Variants in ALG6 observed in about 807,000 individuals in gnomAD.
The protein encoded by ALG6 is ALG6 alpha-1,3-glucosyltransferase.
In ALG6, 46 loss-of-function variants were observed where a neutral mutation model predicts 66.6. The observed-to-expected ratio is 0.69, with a 90% CI of 0.55 to 0.88. The LOEUF is 0.88. Ranked by LOEUF, ALG6 falls within the 40% of genes least tolerant of loss-of-function variation. ALG6 has a pLI of 0.00. For synonymous variants in ALG6, 185 were observed against 203.7 expected, an observed-to-expected ratio of 0.91 and a Z score of 0.78; for missense variants, 505 against 586.8, an observed-to-expected ratio of 0.86 and a Z score of 1.44.
chr1:63,384,102 G>A (rs562234717), intron 2 of ALG6, among the ~76,000 whole-genome samples: 1 of 152,238 alleles, frequency 6.6e-6, no homozygotes, highest in South Asian at 2.1e-4. Context: ...TATTGTGAAC[G>A]GTGCTGCAAT....
At chr1:63,371,903 A>C (rs1208010610) in intron 2 of ALG6, among the ~76,000 whole-genome samples, 1 of 152,180 alleles carries the variant, frequency 6.6e-6, no homozygotes, top group Non-Finnish European at 1.5e-5. Context: ...GCACCCAGCT[A>C]GAGGGCCCAC....
chr1:63,390,872 AT>A (rs1283385037), intron 2 of ALG6, among the ~76,000 whole-genome samples: 1 of 152,174 alleles, frequency 6.6e-6, no homozygotes, highest in Non-Finnish European at 1.5e-5. Context: ...CTGCTGGGGA[AT>A]GGAGAAGTGA....
At chr1:63,412,168 C>T in intron 9 of ALG6, 107 bp downstream of exon 9, 1 of 1,491,330 alleles carries the variant, frequency 6.7e-7, no homozygotes. Flanking sequence ...TACTTTCCTC[C>T]TGTAATCATT....
chr1:63,384,343 A>G (rs57413304), intron 2 of ALG6, among the ~76,000 whole-genome samples: 7,289 of 151,948 alleles, frequency 0.048, 568 homozygotes, highest in African/African-American at 0.17. Flanking sequence ...TGGGTTATTT[A>G]ATTTTTTTTC....
At chr1:63,427,768 G>A (rs1644624144) in intron 12 of ALG6, among the ~76,000 whole-genome samples, 1 of 149,154 alleles carries the variant, frequency 6.7e-6, no homozygotes, top group African/African-American at 2.5e-5. Context: ...ACAGGGCTTA[G>A]AGCTATGACC....
chr1:63,369,849 G>A (rs1016953916), intron 1 of ALG6, among the ~76,000 whole-genome samples: 6 of 151,198 alleles, frequency 4.0e-5, no homozygotes, highest in African/African-American at 9.7e-5. Context: ...ATGGAGTTTC[G>A]CTCTTGTTGC....
chr1:63,429,850 AGTGTGTGTGTGTGTGTGTGTGT>A (rs60383332), intron 14 of ALG6: 13 of 144,380 alleles, frequency 9.0e-5, no homozygotes, highest in African/African-American at 3.1e-4. Flanking sequence ...TCTTTCACTT[AGTGTGTGTGTGTGTGTGTGTGT>A]GTGTGTGTGT....
chr1:63,399,659 A>G (rs901315670), intron 3 of ALG6, among the ~76,000 whole-genome samples: 2 of 152,132 alleles, frequency 1.3e-5, no homozygotes, highest in African/African-American at 4.8e-5. Context: ...TGTAACTTTG[A>G]AACTGTTTCA....
At chr1:63,434,694 T>A (rs1644668600) in intron 14 of ALG6, among the ~76,000 whole-genome samples, 1 of 152,184 alleles carries the variant, frequency 6.6e-6, no homozygotes, top group South Asian at 2.1e-4. Flanking sequence ...TTTTCCAGTG[T>A]GGCCCAGGGA....
intron 12 of ALG6, among the ~76,000 whole-genome samples, chr1:63,422,412 T>C (rs1557595358): frequency 2.8e-5 from 1 of 35,966 alleles, no homozygotes; most frequent in African/African-American, 2.0e-4. Context: ...TATATAAATA[T>C]AAATATATAT....
chr1:63,396,752 G>C (rs1198489085), intron 3 of ALG6, among the ~76,000 whole-genome samples, 155 bp downstream of exon 3: 1 of 152,144 alleles, frequency 6.6e-6, no homozygotes, highest in Non-Finnish European at 1.5e-5. Context: ...TTGTAGGCCT[G>C]TCTTTGAAAT....
chr1:63,417,407 G>A (rs886988186), intron 11 of ALG6, among the ~76,000 whole-genome samples: 1 of 152,102 alleles, frequency 6.6e-6, no homozygotes, highest in African/African-American at 2.4e-5. Context: ...AGTTTGGTAT[G>A]TTTTAAAAGA....
intron 2 of ALG6, among the ~76,000 whole-genome samples, chr1:63,379,554 C>T (rs1032179891): frequency 2.0e-5 from 3 of 152,066 alleles, no homozygotes; most frequent in Admixed American, 1.3e-4. Flanking sequence ...GCACAGGGCT[C>T]CTGGTAGCCA....
intron 7 of ALG6, among the ~76,000 whole-genome samples, chr1:63,407,938 A>G (rs1413897977): frequency 6.6e-6 from 1 of 152,134 alleles, no homozygotes; most frequent in Non-Finnish European, 1.5e-5. Context: ...GACATTGTTT[A>G]TGGGATCATG....
At chr1:63,422,114 TATAAATATATAA>T (rs1441257057) in intron 12 of ALG6, among the ~76,000 whole-genome samples, 15,407 of 109,172 alleles carry the variant, frequency 0.14, 1,446 homozygotes, top group Middle Eastern at 0.27. Flanking sequence ...TATAAATATA[TATAAATATATAA>T]ATAAATATAT....
chr1:63,419,568 TAGTC>T (rs1299978567), intron 12 of ALG6, 128 bp downstream of exon 12: 11 of 724,274 alleles, frequency 1.5e-5, no homozygotes, highest in African/African-American at 1.3e-4. Context: ...AATGATTTCA[TAGTC>T]AGGTTTTTTT....
At chr1:63,390,971 C>T (rs961883227) in intron 2 of ALG6, among the ~76,000 whole-genome samples, 8 of 152,220 alleles carry the variant, frequency 5.3e-5, no homozygotes, top group Admixed American at 5.2e-4. Context: ...GATTGCTCAA[C>T]TGATTTTGAT....
intron 3 of ALG6, among the ~76,000 whole-genome samples, chr1:63,400,237 ATATATACGTATATATATG>A (rs1557587385): frequency 0.021 from 372 of 18,032 alleles, 70 homozygotes; most frequent in African/African-American, 0.061. Flanking sequence ...ATATATATAT[ATATATACGTATATATATG>A]TATATATATA....
chr1:63,415,575 T>A (rs897145356), intron 10 of ALG6, among the ~76,000 whole-genome samples: 1 of 152,206 alleles, frequency 6.6e-6, no homozygotes, highest in East Asian at 1.9e-4. Context: ...CCTTCAACTA[T>A]GTATCTTTGT....
Sources: allele counts gnomAD v4.1 joint callset (sites outside exome capture counted in the v4.1 genomes callset), GRCh38; gene constraint gnomAD v4.1.1; transcripts MANE v1.5; gene names NCBI Gene and HGNC (gene_info 2026-07-23, HGNC 2026-07-21).